The following ADGRG1 variants were observed in gnomAD, a reference collection of about 807,000 sequenced individuals.
ADGRG1 encodes 7-transmembrane protein with no EGF-like N-terminal domains-1.
In ADGRG1, 53 loss-of-function variants were observed where a neutral mutation model predicts 73.5. The observed-to-expected ratio is 0.72, with a 90% CI of 0.58 to 0.91. ADGRG1 has a LOEUF of 0.91. Ranked by LOEUF, ADGRG1 falls within the 40% of genes least tolerant of loss-of-function variation. The pLI is 0.00. For synonymous variants in ADGRG1, 394 were observed against 374.4 expected (o/e 1.05, Z -0.60); for missense variants, 795 against 871.8 (o/e 0.91, Z 1.11).
Position 57,653,345 on chromosome 16 carries a change from G to C in ADGRG1, c.620+10G>C, listed in dbSNP as rs760398279. 1.2e-6 allele frequency: 2 copies of C among 1,606,862 alleles called. No individual in the cohort carries two copies. Among genetic ancestry groups the C allele is most frequent in the Admixed American group, 3.3e-5 (2 of 59,968 alleles). ...CTGCCCCCGCCAGCCAGTAAGTTTGGCACCTGGGGCTGTGAGGGGAGGCAG... is the reference window on the plus strand; with the variant it reads ...CTGCCCCCGCCAGCCAGTAAGTTTGCCACCTGGGGCTGTGAGGGGAGGCAG... On this transcript the variant is annotated intron_variant, in intron 4 of 13. Coordinates refer to ENST00000562631, the MANE Select transcript of ADGRG1 (RefSeq NM_201525.4).
At position 57,663,813 on chromosome 16, in the gene ADGRG1, C is replaced by T. The variant is rs1360485888; in HGVS notation, c.*231C>T. ...TCAGCTCCCACGGGACTCAGAAGTG[C>T]GCCGCCATGCTGCCTAGGGTACTGT... On this transcript the variant is annotated 3_prime_UTR_variant, in exon 14 of 14. Coordinates refer to ENST00000562631, the MANE Select transcript of ADGRG1 (RefSeq NM_201525.4). 30 of 594,496 alleles carry T rather than the reference C, an allele frequency of 5.0e-5. No homozygotes were observed. Among genetic ancestry groups the T allele is most frequent in the Non-Finnish European group, 6.9e-5 (23 of 332,722 alleles). The allele number at this position is 594,496 out of a possible 1,614,324, so 36.8% of individuals were successfully genotyped here. A position where few individuals can be genotyped will look rare whatever the true frequency, so the allele number is the denominator to read the frequency against.
At chr16:57,663,409 GGGGC>G in intron 13 of ADGRG1, 39 bp from the exon 14 acceptor site, 1 of 1,610,702 alleles carries the variant, frequency 6.2e-7, no homozygotes, top group Non-Finnish European at 8.5e-7. Context: ...GGGATGGGGT[GGGGC>G]TCCCCCACCT....
At position 57,647,129 on chromosome 16, in the gene ADGRG1, G is replaced by A. The variant is rs943397650; in HGVS notation, c.-35-3124G>A. The A allele has an allele frequency of 1.5e-5, 15 of 985,424 alleles. No individual in the cohort carries two copies. The African/African-American group carries it at 2.4e-4, about 16-fold the overall frequency. 61.0% of individuals were successfully genotyped at this position (985,424 alleles called of 1,614,324 possible). ...CAGACCTGGAGGGGTGGCATAGGCA[G>A]GGATGAAGGAGGGGCGCTAAGTGGA... On this transcript the variant is annotated intron_variant, in intron 1 of 13. Transcript: ENST00000562631.
In ADGRG1 at chr16:57,628,931, TGAGTGTGAGCGTGA is replaced by T. The variant is rs1183801063; in HGVS notation, c.-36+139_-36+152del. 10 of 709,858 alleles carry T rather than the reference TGAGTGTGAGCGTGA, an allele frequency of 1.4e-5. 1 individual carries two copies. Among genetic ancestry groups the T allele is most frequent in the Non-Finnish European group, 1.7e-5 (10 of 601,312 alleles). The allele number at this position is 709,858 out of a possible 1,614,324, so 44.0% of individuals were successfully genotyped here. ...GAGTGTGTGAGAGTGAGTGTGAGTG[TGAGTGTGAGCGTGA>T]GAGTGTGAGAGTGTGTGAGTGTGAG... On this transcript the variant is annotated intron_variant, in intron 1 of 13. Coordinates refer to ENST00000562631, the MANE Select transcript of ADGRG1 (RefSeq NM_201525.4).
At chr16:57,653,858 TCTCTGCCTCTGCCTCTGC>T in intron 4 of ADGRG1, 110 bp from the exon 5 acceptor site, 6 of 1,583,016 alleles carry the variant, frequency 3.8e-6, no homozygotes, top group Non-Finnish European at 5.1e-6. Flanking sequence ...CCCACCCCTC[TCTCTGCCTCTGCCTCTGC>T]CTCTGCCTCT....
Position 57,629,136 on chromosome 16 carries a change from C to T in ADGRG1, c.-36+334C>T, listed in dbSNP as rs563668481. 1.2e-4 allele frequency: 117 copies of T among 979,784 alleles called. No homozygotes were observed. The Middle Eastern group carries it at 1.6e-3, about 13-fold the overall frequency. The allele number at this position is 979,784 out of a possible 1,614,324, so 60.7% of individuals were successfully genotyped here. ...CATCCGTGCACGGGTGGCTGTTGGA[C>T]AGTGGGTAGGGATGGTGGTGAAATG... On this transcript the variant is annotated intron_variant, in intron 1 of 13. Coordinates refer to ENST00000562631, the MANE Select transcript of ADGRG1 (RefSeq NM_201525.4).
chr16:57,652,927 C>T (rs551329624), intron 3 of ADGRG1: 30 of 1,303,032 alleles, frequency 2.3e-5, no homozygotes, highest in Middle Eastern at 6.2e-4. Flanking sequence ...TGTGTGTAGC[C>T]GAAGGTGTCT....
upstream of ADGRG1, chr16:57,623,886 A>G (rs1436714918): frequency 9.7e-6 from 9 of 924,392 alleles, no homozygotes; most frequent in Non-Finnish European, 1.2e-5. Context: ...ATGGTCTGAG[A>G]TCAGGTCCTG....
chr16:57,635,890 G>A (rs2039236371), intron 1 of ADGRG1: 107 of 985,230 alleles, frequency 1.1e-4, no homozygotes, highest in Non-Finnish European at 1.3e-4. Flanking sequence ...CCTCCTCATA[G>A]AGTGGCCCTG....
chr16:57,654,429 T>TA (rs2045054108), intron 5 of ADGRG1, among the ~76,000 whole-genome samples: 1 of 141,424 alleles, frequency 7.1e-6, no homozygotes, highest in African/African-American at 2.5e-5. Flanking sequence ...CCCGTTTTTT[T>TA]TTTTTCGAGA....
rs752523612 is a variant in ADGRG1, at chr16:57,655,472, G to A, written c.842G>A (p.Ser281Asn). The change falls in exon 6 of 14, where the codon AGC becomes AAC. Residue 281 changes from serine to asparagine, a missense_variant. Transcript: ENST00000562631. ...RTLFQRTKGRSGEAEKRLLLV... is the reference protein window; with the variant it reads ...RTLFQRTKGRNGEAEKRLLLV... ...CTCTTCCAGAGGACGAAAGGCCGGA[G>A]CGGGGAGGCTGAGAAGAGACTCCTC... is the stretch of plus-strand genomic sequence containing the variant. The A allele has an allele frequency of 3.7e-6, 6 of 1,613,742 alleles. No homozygotes were observed. Among genetic ancestry groups the A allele is most frequent in the Admixed American group, 3.3e-5 (2 of 60,016 alleles).
At chr16:57,623,778 C>T (rs1209668724), upstream of ADGRG1, 8 of 984,748 alleles carry the variant, frequency 8.1e-6, no homozygotes, top group South Asian at 4.7e-5. Context: ...TGGGAGATGG[C>T]GTTATCATGG....
chr16:57,621,522 G>A (rs1253848842), intron 2 of ADGRG1: 1 of 152,202 alleles, frequency 6.6e-6, no homozygotes, highest in African/African-American at 2.4e-5. Flanking sequence ...GGGTGGAGGT[G>A]GGGTGCACGG....
intron 1 of ADGRG1, chr16:57,637,709 G>T: frequency 1.0e-6 from 1 of 985,380 alleles, no homozygotes. Flanking sequence ...CCTGACTGAA[G>T]CTGCCTCCTG....
At chr16:57,653,408 C>T in intron 4 of ADGRG1, 73 bp downstream of exon 4, 1 of 1,594,416 alleles carries the variant, frequency 6.3e-7, no homozygotes. Flanking sequence ...AGGGTGGGAC[C>T]TGGAGTAGGG....
chr16:57,626,698 G>A (rs1241203145), upstream of ADGRG1: 2 of 985,078 alleles, frequency 2.0e-6, no homozygotes, highest in African/African-American at 3.5e-5. Flanking sequence ...CTTCTGGTCA[G>A]CACGCTCTGT....
At chr16:57,633,960 C>G (rs1486940368) in intron 1 of ADGRG1, 1 of 435,154 alleles carries the variant, frequency 2.3e-6, no homozygotes, top group Non-Finnish European at 3.1e-6. Context: ...TGAGACCTGA[C>G]CCAGGTTTTG....
At chr16:57,654,608 A>C (rs1291578153) in intron 5 of ADGRG1, among the ~76,000 whole-genome samples, 2 of 152,152 alleles carry the variant, frequency 1.3e-5, no homozygotes, top group African/African-American at 4.8e-5. Flanking sequence ...GGCTAGGTGC[A>C]GTGGCTCACA....
At chr16:57,629,937 G>T in intron 1 of ADGRG1, 1 of 887,798 alleles carries the variant, frequency 1.1e-6, no homozygotes, top group Non-Finnish European at 1.3e-6. Context: ...TAGGGAGGAG[G>T]GGATGGGTCA....
Sources: allele counts gnomAD v4.1 joint callset (sites outside exome capture counted in the v4.1 genomes callset), GRCh38; gene constraint gnomAD v4.1.1; transcripts MANE v1.5; gene names NCBI Gene and HGNC (gene_info 2026-07-23, HGNC 2026-07-21).